Variants in RBX1 observed in about 807,000 individuals in gnomAD.
RBX1 encodes the protein E3 ubiquitin-protein ligase RBX1.
For missense variants in RBX1, 46 were observed against 141.4 expected, an observed-to-expected ratio of 0.33 and a Z score of 3.42; for synonymous variants, 48 against 47.9, an observed-to-expected ratio of 1.00 and a Z score of -0.01.
chr22:40,951,446 C>T lies in RBX1; in HGVS notation c.48C>T (p.Gly16=), dbSNP rs756774693. The change falls in exon 1 of 5, where the codon GGC becomes GGT. Residue 16 remains glycine (G), a synonymous_variant. Coordinates refer to ENST00000216225, the MANE Select transcript of RBX1 (RefSeq NM_014248.4). ...ATACCCCGAGCGGCACCAACAGCGGCGCGGGCAAGAAGCGCTTTGAAGTGA... is the reference window on the plus strand; with the variant it reads ...ATACCCCGAGCGGCACCAACAGCGGTGCGGGCAAGAAGCGCTTTGAAGTGA... The part of the protein sequence containing the change: ...DVDTPSGTNS[G]AGKKRFEVKK... The T allele has an allele frequency of 6.2e-7, 1 of 1,613,644 alleles. No homozygotes were observed. The highest frequency in any genetic ancestry group is 8.5e-7 in the Non-Finnish European group (1 of 1,179,816).
At chr22:40,953,972 T>A (rs1448169274) in intron 2 of RBX1, among the ~76,000 whole-genome samples, 1 of 152,134 alleles carries the variant, frequency 6.6e-6, no homozygotes, top group Non-Finnish European at 1.5e-5. Context: ...AAATAAACTT[T>A]GAGCTAAAAT....
At chr22:40,953,503 ATG>A (rs943575956) in intron 1 of RBX1, 50 bp from the exon 2 acceptor site, 125 of 1,177,448 alleles carry the variant, frequency 1.1e-4, no homozygotes, top group Non-Finnish European at 1.3e-4. Context: ...CCTAAAGAGT[ATG>A]TGTGTGTGTT....
intron 4 of RBX1, among the ~76,000 whole-genome samples, chr22:40,971,249 G>A (rs890661332): frequency 2.6e-5 from 4 of 152,138 alleles, no homozygotes; most frequent in African/African-American, 9.7e-5. Flanking sequence ...AGTTATCAGT[G>A]CTTTGGGAAA....
rs367822415 is a variant in RBX1, at chr22:40,953,516, A to T, written c.79-39A>T. 216 of 1,335,406 alleles carry T rather than the reference A, an allele frequency of 1.6e-4. 3 individuals carry two copies. The Admixed American group carries it at 2.0e-3, about 12-fold the overall frequency. The allele number at this position is 1,335,406 out of a possible 1,614,324, so 82.7% of individuals were successfully genotyped here. A position where few individuals can be genotyped will look rare whatever the true frequency, so the allele number is the denominator to read the frequency against. On this transcript the variant is annotated intron_variant, in intron 1 of 4. Coordinates refer to ENST00000216225, the MANE Select transcript of RBX1 (RefSeq NM_014248.4). ...GTCCTAAAGAGTATGTGTGTGTGTT[A>T]CAAGCAGAATGCACTGTTCCCTCTT...
chr22:40,971,121 TG>T, intron 4 of RBX1, among the ~76,000 whole-genome samples: 1 of 152,300 alleles, frequency 6.6e-6, no homozygotes, highest in South Asian at 2.1e-4. Context: ...TAGACCAGAA[TG>T]GTCTCGTTTT....
intron 2 of RBX1, 59 bp from the exon 3 acceptor site, chr22:40,963,988 A>C: frequency 7.7e-7 from 1 of 1,299,240 alleles, no homozygotes; most frequent in Non-Finnish European, 1.1e-6. Context: ...TTTGGCTGCT[A>C]TAGATTGAAA....
chr22:40,958,322 G>A (rs2058331114), intron 2 of RBX1, among the ~76,000 whole-genome samples: 1 of 151,526 alleles, frequency 6.6e-6, no homozygotes. Context: ...AAAAAAAAAG[G>A]ATTTATATGG....
chr22:40,955,245 T>A lies in RBX1; in HGVS notation c.157+1612T>A, dbSNP rs530570385. Among the ~76,000 whole-genome samples, 31 of 152,014 alleles carry A rather than the reference T, an allele frequency of 2.0e-4. No homozygotes were observed. In the South Asian group the frequency reaches 2.5e-3, roughly 12 times the overall value. On this transcript the variant is annotated intron_variant, in intron 2 of 4. Transcript: ENST00000216225. ...GCCAGTACAAACACGTATATAATTT[T>A]AAATTTTCTTTTTCCTTTTTTTTTT... is the stretch of plus-strand genomic sequence containing the variant.
At chr22:40,967,748 T>C in intron 3 of RBX1, 51 bp from the exon 4 acceptor site, 1 of 1,498,576 alleles carries the variant, frequency 6.7e-7, no homozygotes, top group Non-Finnish European at 9.3e-7. Context: ...TGTCGCTCGA[T>C]GGCTGAGCCT....
At position 40,961,351 on chromosome 22, in the gene RBX1, C is replaced by T. The variant is rs536142704; in HGVS notation, c.158-2696C>T. 2.0e-5 allele frequency among the ~76,000 whole-genome samples: 3 copies of T among 152,094 alleles called. No individual in the cohort carries two copies. The South Asian group carries it at 6.2e-4, about 32-fold the overall frequency. ...CCTGCTGCCTTGGCCTCCCAAAGTGCTGGGATTACAGGTGTGAGCGACTGT... is the reference window on the plus strand; with the variant it reads ...CCTGCTGCCTTGGCCTCCCAAAGTGTTGGGATTACAGGTGTGAGCGACTGT... On this transcript the variant is annotated intron_variant, in intron 2 of 4. Coordinates refer to ENST00000216225, the MANE Select transcript of RBX1 (RefSeq NM_014248.4).
rs116807809 is a variant in RBX1, at chr22:40,952,059, T to C, written c.78+583T>C. ...TCTGGAGTGTAATGCTTGGCTCTTC[T>C]GAGACGTCTGTTGGCTTTTCACACA... On this transcript the variant is annotated intron_variant, in intron 1 of 4. Transcript: ENST00000216225. Among the ~76,000 whole-genome samples the C allele has an allele frequency of 8.5e-3, 1,287 of 152,262 alleles. 19 individuals are homozygous for C. Among genetic ancestry groups the C allele is most frequent in the African/African-American group, 0.03 (1,246 of 41,542 alleles).
At chr22:40,959,830 A>C (rs1159835454) in intron 2 of RBX1, among the ~76,000 whole-genome samples, 1 of 151,652 alleles carries the variant, frequency 6.6e-6, no homozygotes, top group Non-Finnish European at 1.5e-5. Context: ...AAAGGAATGA[A>C]TCTTGGTCGG....
At chr22:40,953,153 G>C (rs2058316054) in intron 1 of RBX1, among the ~76,000 whole-genome samples, 1 of 151,898 alleles carries the variant, frequency 6.6e-6, no homozygotes, top group Non-Finnish European at 1.5e-5. Context: ...ACCAGGCCTG[G>C]CTAATTTTTG....
intron 3 of RBX1, among the ~76,000 whole-genome samples, chr22:40,966,031 C>T (rs1045913951): frequency 1.3e-5 from 2 of 152,114 alleles, no homozygotes; most frequent in Admixed American, 6.6e-5. Context: ...CTGGATTAGT[C>T]CTGGGTTCTA....
rs372518642 is a variant in RBX1, at chr22:40,951,427, C to G, written c.29C>G (p.Pro10Arg). The change falls in exon 1 of 5, where the codon CCG (proline) becomes CGG (arginine). Residue 10 changes from proline to arginine, a missense_variant. Pro to Arg is a moderately radical substitution (Grantham distance 103, BLOSUM62 -2). Transcript: ENST00000216225. ...GCGGCAGCGATGGATGTGGATACCC[C>G]GAGCGGCACCAACAGCGGCGCGGGC... Reference protein sequence around the residue: MAAAMDVDTPSGTNSGAGKK... With the variant: MAAAMDVDTRSGTNSGAGKK... The G allele has an allele frequency of 3.7e-6, 6 of 1,613,460 alleles. No individual in the cohort carries two copies. The highest frequency in any genetic ancestry group is 2.7e-5 in the African/African-American group (2 of 74,950).
intron 2 of RBX1, among the ~76,000 whole-genome samples, chr22:40,956,450 A>G (rs1371419357): frequency 2.0e-5 from 3 of 147,974 alleles, no homozygotes; most frequent in Non-Finnish European, 4.5e-5. Context: ...CTGGAGTTCA[A>G]GTGATTCTCC....
chr22:40,953,155 T>A (rs991617268), intron 1 of RBX1, among the ~76,000 whole-genome samples: 1 of 152,070 alleles, frequency 6.6e-6, no homozygotes, highest in African/African-American at 2.4e-5. Flanking sequence ...CAGGCCTGGC[T>A]AATTTTTGTA....
At chr22:40,954,270 CA>C (rs138624516) in intron 2 of RBX1, among the ~76,000 whole-genome samples, 109 of 133,432 alleles carry the variant, frequency 8.2e-4, no homozygotes, top group Middle Eastern at 3.7e-3. Flanking sequence ...CTCAAAGTCT[CA>C]AAAAAAAAAA....
intron 1 of RBX1, among the ~76,000 whole-genome samples, chr22:40,951,744 G>A (rs1489514210): frequency 6.6e-6 from 1 of 151,272 alleles, no homozygotes; most frequent in African/African-American, 2.4e-5. Context: ...ACTTGGCGGC[G>A]GGAGCCAAGC....
Sources: gnomAD v4.1 joint callset for allele counts (sites outside exome capture counted in the v4.1 genomes callset) on GRCh38, gnomAD v4.1.1 for gene constraint, MANE v1.5 for transcripts, NCBI Gene and HGNC (gene_info 2026-07-23, HGNC 2026-07-21) for gene names.